The following ATP5F1B variants were observed in gnomAD, a reference collection of about 807,000 sequenced individuals.
ATP5F1B encodes ATP synthase F1 subunit beta.
In ATP5F1B, 17 loss-of-function variants were observed where a neutral mutation model predicts 45.9. The ratio of observed to expected loss-of-function variants is 0.37; its 90% confidence interval spans 0.25 to 0.56. The LOEUF (loss-of-function observed/expected upper bound fraction) is 0.56, where lower values mean the gene tolerates loss of function less well. Ranked by LOEUF, ATP5F1B falls within the 20% of genes least tolerant of loss-of-function variation. ATP5F1B has a pLI of 0.80. For synonymous variants in ATP5F1B, 218 were observed against 256.5 expected (o/e 0.85, Z 1.43); for missense variants, 387 against 673.2 (o/e 0.57, Z 4.70).
chr12:56,644,752 T>G, intron 3 of ATP5F1B, 29 bp downstream of exon 3: 8 of 1,584,424 alleles, frequency 5.0e-6, no homozygotes, highest in Non-Finnish European at 6.9e-6. Context: ...GAAGTTCCTT[T>G]GTGCATAGAT....
intron 5 of ATP5F1B, 87 bp from the exon 6 acceptor site, chr12:56,642,918 A>T: frequency 6.9e-7 from 1 of 1,440,942 alleles, no homozygotes; most frequent in Non-Finnish European, 9.5e-7. Context: ...AAACGACCAC[A>T]GATCCTTTCT....
chr12:56,638,575 A>T, intron 9 of ATP5F1B, 152 bp from the exon 10 acceptor site: 1 of 674,956 alleles, frequency 1.5e-6, no homozygotes, highest in South Asian at 1.8e-5. Flanking sequence ...CACAAATCAA[A>T]TTTACAAGAT....
chr12:56,645,958 C>G lies in ATP5F1B; in HGVS notation c.6G>C (p.Leu2Phe), dbSNP rs866650910. 2 of 1,602,998 alleles carry G rather than the reference C, an allele frequency of 1.2e-6. No homozygotes were observed. The highest frequency in any genetic ancestry group is 1.7e-5 in the Admixed American group (1 of 58,136). Residue 2 changes from leucine (L) to phenylalanine (F), a missense_variant, in exon 1 of 10, where the codon TTG becomes TTC. By Grantham distance (22) the Leu-to-Phe change is conservative. Transcript: ENST00000262030. ...CAGCGGCCACCCGACCCACAAACCC[C>G]AACATGGCGTAGTCCGGGTGGAGAC... is the stretch of plus-strand genomic sequence containing the variant. Reference protein sequence around the residue: MLGFVGRVAAAP... With the variant: MFGFVGRVAAAP...
At chr12:56,643,608 A>C in intron 4 of ATP5F1B, 21 bp from the exon 5 acceptor site, 1 of 1,613,048 alleles carries the variant, frequency 6.2e-7, no homozygotes, top group Non-Finnish European at 8.5e-7. Context: ...TTGAAAAGAA[A>C]GAATATTTAA....
At chr12:56,642,357 G>A in intron 7 of ATP5F1B, 101 bp downstream of exon 7, 3 of 1,518,110 alleles carry the variant, frequency 2.0e-6, no homozygotes, top group Non-Finnish European at 2.7e-6. Flanking sequence ...GATCTCTTGG[G>A]CTCAAGCAAT....
chr12:56,645,168 T>TA lies in ATP5F1B; in HGVS notation c.310+2dup. The stretch of plus-strand genomic sequence containing the variant: ...TTTACTATTCCTAACAAACTCTACT[T>TA]ACCCAAATGCTGGGCCACCTCCAAA... On this transcript the variant is annotated splice_region_variant and intron_variant, in intron 2 of 9. Coordinates refer to ENST00000262030, the MANE Select transcript of ATP5F1B (RefSeq NM_001686.4). 6.2e-7 allele frequency: 1 copy of TA among 1,614,090 alleles called. No individual in the cohort carries two copies. The highest frequency in any genetic ancestry group is 8.5e-7 in the Non-Finnish European group (1 of 1,179,906).
intron 7 of ATP5F1B, among the ~76,000 whole-genome samples, chr12:56,641,318 C>T (rs977154471): frequency 2.7e-5 from 4 of 149,192 alleles, no homozygotes; most frequent in African/African-American, 4.9e-5. Flanking sequence ...GCCCAGATCG[C>T]ACCCATTGCA....
At chr12:56,644,093 A>C in intron 3 of ATP5F1B, 135 bp from the exon 4 acceptor site, 6 of 961,286 alleles carry the variant, frequency 6.2e-6, no homozygotes, top group Non-Finnish European at 9.0e-6. Context: ...CCTTTCTTAC[A>C]TAAATCAGAT....
At position 56,645,331 on chromosome 12, in the gene ATP5F1B, T is replaced by C; in HGVS notation, c.150A>G (p.Thr50=). The change falls in exon 2 of 10, where the codon ACA becomes ACG. Residue 50 remains threonine, a synonymous_variant. Coordinates refer to ENST00000262030, the MANE Select transcript of ATP5F1B (RefSeq NM_001686.4). ...CGGCGCCTGCTTTTGGCGAAGGAGA[T>C]GTTTGCGCCGCATAGTCCCTGACTA... The part of the protein sequence containing the change: ...VHPVRDYAAQ[T]SPSPKAGAAT... 1 of 1,614,048 alleles carries C rather than the reference T, an allele frequency of 6.2e-7. No individual in the cohort carries two copies. Among genetic ancestry groups the C allele is most frequent in the Non-Finnish European group, 8.5e-7 (1 of 1,179,970 alleles).
intron 5 of ATP5F1B, 112 bp from the exon 6 acceptor site, chr12:56,642,943 G>T: frequency 1.7e-6 from 2 of 1,200,732 alleles, no homozygotes; most frequent in African/African-American, 1.5e-5. Flanking sequence ...AGGTGTCAGC[G>T]TTTTTGTGTG....
Position 56,645,845 on chromosome 12 carries a change from A to G in ATP5F1B, c.119T>C (p.Val40Ala), listed in dbSNP as rs367651199. The G allele has an allele frequency of 1.9e-6, 3 of 1,608,722 alleles. No homozygotes were observed. Among genetic ancestry groups the G allele is most frequent in the Non-Finnish European group, 2.5e-6 (3 of 1,177,804 alleles). ...TAGAGAAAAGCACTTACCAGGATGGACCGCCGTCGGAGCGGCCCGCAGTAA... is the reference window on the plus strand; with the variant it reads ...TAGAGAAAAGCACTTACCAGGATGGGCCGCCGTCGGAGCGGCCCGCAGTAA... Reference protein sequence around the residue: ...QLLLRAAPTAVHPVRDYAAQT... With the variant: ...QLLLRAAPTAAHPVRDYAAQT... The change falls in exon 1 of 10, where the codon GTC becomes GCC. Residue 40 changes from valine (V) to alanine (A), a missense_variant. By Grantham distance (64) the Val-to-Ala change is moderately conservative. Transcript: ENST00000262030.
intron 3 of ATP5F1B, 56 bp from the exon 4 acceptor site, chr12:56,644,014 A>G: frequency 6.3e-7 from 1 of 1,584,784 alleles, no homozygotes. Flanking sequence ...GCAAATGATA[A>G]TCTTATATAT....
intron 7 of ATP5F1B, among the ~76,000 whole-genome samples, chr12:56,641,934 C>T (rs775373309): frequency 2.0e-5 from 3 of 152,070 alleles, no homozygotes; most frequent in Non-Finnish European, 2.9e-5. Context: ...CATATAGCGC[C>T]GGACTCCCCT....
chr12:56,644,708 C>T, intron 3 of ATP5F1B, 73 bp downstream of exon 3: 3 of 1,484,228 alleles, frequency 2.0e-6, no homozygotes, highest in Non-Finnish European at 2.7e-6. Flanking sequence ...TTTAGGAGAA[C>T]ATGTCACCTT....
Position 56,645,978 on chromosome 12 carries a change from G to T in ATP5F1B, c.-15C>A. The T allele has an allele frequency of 6.3e-7, 1 of 1,587,970 alleles. No homozygotes were observed. The highest frequency in any genetic ancestry group is 8.6e-7 in the Non-Finnish European group (1 of 1,167,902). ...AACCCCAACATGGCGTAGTCCGGGT[G>T]GAGACTGAAGGCTGCAGCAACCGCA... On this transcript the variant is annotated 5_prime_UTR_variant, in exon 1 of 10. Transcript: ENST00000262030.
At chr12:56,642,338 C>T in intron 7 of ATP5F1B, 120 bp downstream of exon 7, 2 of 1,411,334 alleles carry the variant, frequency 1.4e-6, no homozygotes, top group Non-Finnish European at 1.9e-6. Flanking sequence ...CAGCTTTGTT[C>T]CCCAGGCTGA....
At position 56,643,294 on chromosome 12, in the gene ATP5F1B, T is replaced by C. The variant is rs553976766; in HGVS notation, c.792+109A>G. On this transcript the variant is annotated intron_variant, in intron 5 of 9. Transcript: ENST00000262030. The stretch of plus-strand genomic sequence containing the variant: ...GGACACGAAAATGAAAATATTAACA[T>C]TTTCTTAAAAAGAAAAAAAAATTAA... The C allele has an allele frequency of 1.1e-4, 118 of 1,083,822 alleles. 1 individual carries two copies. The highest frequency in any genetic ancestry group is 4.3e-4 in the Admixed American group (16 of 36,866). 67.1% of individuals were successfully genotyped at this position (1,083,822 alleles called of 1,614,324 possible). A position where few individuals can be genotyped will look rare whatever the true frequency, so the allele number is the denominator to read the frequency against.
At chr12:56,641,495 A>G (rs1260207239) in intron 7 of ATP5F1B, among the ~76,000 whole-genome samples, 1 of 152,104 alleles carries the variant, frequency 6.6e-6, no homozygotes, top group Non-Finnish European at 1.5e-5. Context: ...TAATTTTACT[A>G]TATATCCCAT....
In ATP5F1B at chr12:56,641,313, G is replaced by C. The variant is rs553648746; in HGVS notation, c.1075-1121C>G. On this transcript the variant is annotated intron_variant, in intron 7 of 9. Transcript: ENST00000262030. ...CCAGGAGGAGGTTGCAGTGAGCCCA[G>C]ATCGCACCCATTGCACTCCAGCCTG... Among the ~76,000 whole-genome samples, 105 of 147,064 alleles carry C rather than the reference G, an allele frequency of 7.1e-4. 2 individuals carry two copies. Among genetic ancestry groups the C allele is most frequent in the Admixed American group, 6.3e-3 (91 of 14,424 alleles).
Sources: gnomAD v4.1 joint callset for allele counts (sites outside exome capture counted in the v4.1 genomes callset) on GRCh38, gnomAD v4.1.1 for gene constraint, MANE v1.5 for transcripts, NCBI Gene and HGNC (gene_info 2026-07-23, HGNC 2026-07-21) for gene names.